NRIP1: variants seen among roughly 807,000 people sequenced by gnomAD.
The protein encoded by NRIP1 is nuclear receptor-interacting protein 1.
In NRIP1, 28 loss-of-function variants were observed where a neutral mutation model predicts 75.0. The ratio of observed to expected loss-of-function variants is 0.37; its 90% CI spans 0.28 to 0.51. The LOEUF is 0.51. Ranked by LOEUF, NRIP1 falls within the 20% of genes least tolerant of loss-of-function variation. NRIP1 has a pLI of 0.92. For synonymous variants in NRIP1, 526 were observed against 487.6 expected, an observed-to-expected ratio of 1.08 and a Z score of -1.04; for missense variants, 1,435 against 1,343.7, an observed-to-expected ratio of 1.07 and a Z score of -1.06.
At position 14,967,235 on chromosome 21, in the gene NRIP1, C is replaced by G. The variant is rs1487679999; in HGVS notation, c.958G>C (p.Gly320Arg). The G allele has an allele frequency of 1.5e-5, 24 of 1,613,878 alleles. No individual in the cohort carries two copies. Among genetic ancestry groups the G allele is most frequent in the Non-Finnish European group, 1.8e-5 (21 of 1,180,000 alleles). Residue 320 changes from glycine (G) to arginine (R), a missense_variant, in exon 4 of 4, where the codon GGA becomes CGA. Physicochemically the swap from Gly to Arg is moderately radical, Grantham distance 125 (BLOSUM62 -2). Coordinates refer to ENST00000318948, the MANE Select transcript of NRIP1 (RefSeq NM_003489.4). ...KDVGSYQLPK[G>R]MSSHLNGQAR... ...TGACCATTAAGATGGCTTGACATTC[C>G]TTTTGGGAGCTGGTAACTGCCAACA...
At chr21:14,995,891 A>G (rs999588999) in intron 3 of NRIP1, among the ~76,000 whole-genome samples, 3 of 152,134 alleles carry the variant, frequency 2.0e-5, no homozygotes, top group Non-Finnish European at 2.9e-5. Flanking sequence ...AACTCATAAT[A>G]GTTTCTATTT....
At position 14,984,172 on chromosome 21, in the gene NRIP1, A is replaced by G. The variant is rs984861908; in HGVS notation, c.-334-15646T>C. 2.0e-5 allele frequency among the ~76,000 whole-genome samples: 3 copies of G among 152,194 alleles called. No homozygotes were observed. The South Asian group carries it at 6.2e-4, about 32-fold the overall frequency. ...CACCATTCTAGATGTCATTAAGAAC[A>G]TTCATGATTCATGAGGGGAGGTCAA... On this transcript the variant is annotated intron_variant, in intron 3 of 3. Transcript: ENST00000318948.
intron 3 of NRIP1, among the ~76,000 whole-genome samples, chr21:14,972,832 T>C (rs1471134200): frequency 3.3e-5 from 5 of 152,126 alleles, no homozygotes; most frequent in Admixed American, 6.5e-5. Context: ...CAGTTTACAC[T>C]AGGGTTCGCA....
chr21:14,978,446 C>T (rs2087138752), intron 3 of NRIP1, among the ~76,000 whole-genome samples: 1 of 152,182 alleles, frequency 6.6e-6, no homozygotes, highest in African/African-American at 2.4e-5. Context: ...TCTATGTTCA[C>T]AACTTTCTTC....
intron 3 of NRIP1, among the ~76,000 whole-genome samples, chr21:14,969,676 T>A (rs2086851938): frequency 6.6e-6 from 1 of 152,180 alleles, no homozygotes; most frequent in African/African-American, 2.4e-5. Flanking sequence ...AATACCTTGG[T>A]CCCTATGGAA....
chr21:15,011,416 C>T (rs2088099590), intron 3 of NRIP1, among the ~76,000 whole-genome samples: 1 of 152,124 alleles, frequency 6.6e-6, no homozygotes, highest in Non-Finnish European at 1.5e-5. Context: ...GTCTCGATCT[C>T]CTGACCTCGT....
chr21:14,983,760 A>G (rs1348104293), intron 3 of NRIP1, among the ~76,000 whole-genome samples: 2 of 152,158 alleles, frequency 1.3e-5, no homozygotes, highest in Non-Finnish European at 2.9e-5. Context: ...AAAATCCTAA[A>G]CCCTTAAAAA....
chr21:14,966,744 A>G lies in NRIP1; in HGVS notation c.1449T>C (p.Asp483=), dbSNP rs779722024. 3.0e-5 allele frequency: 48 copies of G among 1,613,844 alleles called. No homozygotes were observed. The highest frequency in any genetic ancestry group is 3.3e-5 in the Admixed American group (2 of 59,974). ...GCTTAGAATTCTTTGAGGTATCTTGATCTTCTTTGATATCTACATCTGGGA... is the reference window on the plus strand; with the variant it reads ...GCTTAGAATTCTTTGAGGTATCTTGGTCTTCTTTGATATCTACATCTGGGA... The part of the protein sequence containing the change: ...PKVPDVDIKE[D]QDTSKNSKLN... The change falls in exon 4 of 4, where the codon GAT becomes GAC. Residue 483 remains aspartate (D), a synonymous_variant. Coordinates refer to ENST00000318948, the MANE Select transcript of NRIP1 (RefSeq NM_003489.4).
At position 14,984,974 on chromosome 21, in the gene NRIP1, G is replaced by GT. The variant is rs144584006; in HGVS notation, c.-334-16449dup. Among the ~76,000 whole-genome samples the GT allele has an allele frequency of 0.017, 2,611 of 152,262 alleles. 245 individuals are homozygous for GT. In the East Asian group the frequency reaches 0.28, roughly 16 times the overall value. ...TAACAGACTACAGTATAGTGTAAACGTAACTTTTATATGGACTGAAAAACC... is the reference window on the plus strand; with the variant it reads ...TAACAGACTACAGTATAGTGTAAACGTTAACTTTTATATGGACTGAAAAACC... On this transcript the variant is annotated intron_variant, in intron 3 of 3. Transcript: ENST00000318948.
chr21:14,993,876 T>C (rs1199991296), intron 3 of NRIP1, among the ~76,000 whole-genome samples: 1 of 152,238 alleles, frequency 6.6e-6, no homozygotes, highest in Admixed American at 6.5e-5. Flanking sequence ...TTTGTATTAC[T>C]TACTACTTTG....
At chr21:15,047,327 G>A (rs1007047499) in intron 1 of NRIP1, among the ~76,000 whole-genome samples, 1 of 152,116 alleles carries the variant, frequency 6.6e-6, no homozygotes, top group African/African-American at 2.4e-5. Flanking sequence ...AGATCACGAG[G>A]TCAGGAGACA....
At chr21:14,996,696 G>T (rs1337556057) in intron 3 of NRIP1, among the ~76,000 whole-genome samples, 1 of 151,910 alleles carries the variant, frequency 6.6e-6, no homozygotes, top group Non-Finnish European at 1.5e-5. Context: ...CTTTTATTCT[G>T]TTCACCATGG....
chr21:15,008,397 G>A (rs187365781), intron 3 of NRIP1, among the ~76,000 whole-genome samples: 91 of 152,178 alleles, frequency 6.0e-4, no homozygotes, highest in African/African-American at 1.8e-3. Flanking sequence ...GCGAATCACC[G>A]TAGAAGAAGT....
intron 2 of NRIP1, among the ~76,000 whole-genome samples, chr21:15,032,463 A>G (rs1043562024): frequency 2.0e-5 from 3 of 152,058 alleles, no homozygotes; most frequent in African/African-American, 7.3e-5. Flanking sequence ...AGTAGCTGTC[A>G]TTTTTGAAAA....
chr21:14,994,819 C>T (rs1212193752), intron 3 of NRIP1, among the ~76,000 whole-genome samples: 1 of 152,132 alleles, frequency 6.6e-6, no homozygotes, highest in African/African-American at 2.4e-5. Context: ...AACTATTTAA[C>T]AGGGCTGTAA....
rs539261288 is a variant in NRIP1 at position 14,961,361 on chromosome 21, A to T, written c.*3355T>A. 12 of 152,554 alleles carry T rather than the reference A, an allele frequency of 7.9e-5. No individual in the cohort carries two copies. In the East Asian group the frequency reaches 1.9e-3, roughly 25 times the overall value. 9.5% of individuals were successfully genotyped at this position (152,554 alleles called of 1,614,324 possible). A position where few individuals can be genotyped will look rare whatever the true frequency, so the allele number is the denominator to read the frequency against. ...TCATGACATCACATGAAGAAATTAA[A>T]TTTCTAATAAAAATGGCAAATTATA... On this transcript the variant is annotated 3_prime_UTR_variant, in exon 4 of 4. Coordinates refer to ENST00000318948, the MANE Select transcript of NRIP1 (RefSeq NM_003489.4).
chr21:15,000,833 T>C (rs2087832891), intron 3 of NRIP1, among the ~76,000 whole-genome samples: 1 of 152,184 alleles, frequency 6.6e-6, no homozygotes, highest in Non-Finnish European at 1.5e-5. Context: ...CAAAATTTAA[T>C]AGTCTGAATT....
At chr21:14,984,583 A>T (rs1054138580) in intron 3 of NRIP1, among the ~76,000 whole-genome samples, 1 of 152,224 alleles carries the variant, frequency 6.6e-6, no homozygotes, top group African/African-American at 2.4e-5. Flanking sequence ...TTCTGTAAAT[A>T]TAAACTTAGT....
In NRIP1 at chr21:14,973,672, C is replaced by T. The variant is rs565375169; in HGVS notation, c.-334-5146G>A. 3.0e-5 allele frequency among the ~76,000 whole-genome samples: 4 copies of T among 135,322 alleles called. No individual in the cohort carries two copies. The East Asian group carries it at 9.8e-4, about 33-fold the overall frequency. 88.8% of individuals were successfully genotyped at this position (135,322 alleles called of 152,430 possible). The stretch of plus-strand genomic sequence containing the variant: ...TTATCGTCTTAAGTGAAAATCAGCT[C>T]GCATAATTTTTTTTTTTTTTTTGAG... On this transcript the variant is annotated intron_variant, in intron 3 of 3. Transcript: ENST00000318948.
Sources: allele counts gnomAD v4.1 joint callset (sites outside exome capture counted in the v4.1 genomes callset), GRCh38; gene constraint gnomAD v4.1.1; transcripts MANE v1.5; gene names NCBI Gene and HGNC (gene_info 2026-07-23, HGNC 2026-07-21).